GPHN: variants seen among roughly 807,000 people sequenced by gnomAD.
The protein encoded by GPHN is gephyrin.
In GPHN, 17 loss-of-function variants were observed where a neutral mutation model predicts 95.5. The observed-to-expected ratio is 0.18, with a 90% CI of 0.12 to 0.27. The LOEUF (loss-of-function observed/expected upper bound fraction) is 0.27. Ranked by LOEUF, GPHN falls within the 10% of genes least tolerant of loss-of-function variation. The pLI, the probability that GPHN is intolerant of heterozygous loss-of-function variation, is 1.00. For missense variants in GPHN, 660 were observed against 978.1 expected (o/e 0.67, Z 4.34); for synonymous variants, 320 against 322.5 (o/e 0.99, Z 0.08).
intron 13 of GPHN, among the ~76,000 whole-genome samples, chr14:67,109,522 T>A (rs1436809960): frequency 1.3e-5 from 2 of 152,214 alleles, no homozygotes; most frequent in Non-Finnish European, 2.9e-5. Flanking sequence ...TTTTCAAAAG[T>A]AATGTTTAAC....
the GPHN span, among the ~76,000 whole-genome samples, chr14:67,391,263 C>T: frequency 7.3e-6 from 1 of 137,214 alleles, no homozygotes; most frequent in Non-Finnish European, 1.5e-5. Context: ...AATGTGTAAG[C>T]AGCTGATATG....
At chr14:66,588,741 C>A (rs2061522001) in intron 1 of GPHN, among the ~76,000 whole-genome samples, 1 of 152,030 alleles carries the variant, frequency 6.6e-6, no homozygotes, top group Admixed American at 6.6e-5. Context: ...TGTGAAAAGA[C>A]CAAACCTATG....
chr14:66,885,054 TAAC>T (rs954041656), intron 5 of GPHN, among the ~76,000 whole-genome samples: 1 of 151,890 alleles, frequency 6.6e-6, no homozygotes, highest in Admixed American at 6.6e-5. Flanking sequence ...TTTCAGGAAA[TAAC>T]AACACAAAAC....
intron 3 of GPHN, among the ~76,000 whole-genome samples, chr14:66,786,114 T>C (rs2153466900): frequency 6.6e-6 from 1 of 152,240 alleles, no homozygotes; most frequent in East Asian, 1.9e-4. Flanking sequence ...TGCTTCTTTA[T>C]AAAGCTCAAA....
intron 2 of GPHN, among the ~76,000 whole-genome samples, chr14:66,685,305 A>G (rs2067270872): frequency 1.3e-5 from 2 of 152,196 alleles, no homozygotes; most frequent in Admixed American, 6.5e-5. Flanking sequence ...TTCTAGTTCT[A>G]GATCCCTGAG....
chr14:67,461,417 T>C, the GPHN span, among the ~76,000 whole-genome samples: 1 of 152,020 alleles, frequency 6.6e-6, no homozygotes, highest in East Asian at 1.9e-4. Context: ...TTCCCAGGGG[T>C]ACATGGAGCA....
At chr14:66,868,174 ATTT>A (rs1429461834) in intron 4 of GPHN, among the ~76,000 whole-genome samples, 2 of 152,174 alleles carry the variant, frequency 1.3e-5, no homozygotes, top group Non-Finnish European at 2.9e-5. Context: ...ATTTAAGATT[ATTT>A]AATCAGCAGA....
chr14:66,828,445 A>G (rs1212372315), intron 4 of GPHN, among the ~76,000 whole-genome samples: 4 of 152,116 alleles, frequency 2.6e-5, no homozygotes, highest in African/African-American at 9.6e-5. Flanking sequence ...CTGTTTCTAG[A>G]CACATTTACC....
At chr14:66,611,358 A>G (rs2062775017) in intron 1 of GPHN, among the ~76,000 whole-genome samples, 1 of 152,154 alleles carries the variant, frequency 6.6e-6, no homozygotes, top group Admixed American at 6.6e-5. Flanking sequence ...AATTTATTAG[A>G]TAAGATACCC....
At chr14:67,599,772 G>T in the GPHN span, among the ~76,000 whole-genome samples, 56,513 of 152,052 alleles carry the variant, frequency 0.37, 11,003 homozygotes, top group South Asian at 0.43. Context: ...GATGTATGCT[G>T]AGTGAACCCA....
At chr14:67,513,683 T>C in the GPHN span, among the ~76,000 whole-genome samples, 1 of 152,170 alleles carries the variant, frequency 6.6e-6, no homozygotes, top group East Asian at 1.9e-4. Flanking sequence ...CCTTGTATCA[T>C]TAGGTCATTC....
chr14:67,144,266 T>A (rs1488312054), intron 18 of GPHN, among the ~76,000 whole-genome samples: 1 of 102,368 alleles, frequency 9.8e-6, no homozygotes, highest in African/African-American at 4.5e-5. Flanking sequence ...TATATATATA[T>A]ATATATATAT....
the GPHN span, chr14:67,729,308 G>A: frequency 3.1e-6 from 5 of 1,601,378 alleles, no homozygotes; most frequent in Non-Finnish European, 4.2e-6. Flanking sequence ...AAGACGGCAC[G>A]GGAGGGGGCG....
the GPHN span, among the ~76,000 whole-genome samples, chr14:67,247,183 T>C: frequency 6.6e-6 from 1 of 152,244 alleles, no homozygotes; most frequent in Non-Finnish European, 1.5e-5. Context: ...ATGAACATGC[T>C]ATTTCTTTCC....
At chr14:67,138,264 A>T (rs893754837) in intron 17 of GPHN, among the ~76,000 whole-genome samples, 14 of 152,202 alleles carry the variant, frequency 9.2e-5, no homozygotes, top group Non-Finnish European at 1.6e-4. Flanking sequence ...TGTATTTTTT[A>T]AAAACATTAG....
chr14:66,959,459 G>C (rs1051069330), intron 8 of GPHN, among the ~76,000 whole-genome samples: 1 of 151,982 alleles, frequency 6.6e-6, no homozygotes, highest in African/African-American at 2.4e-5. Flanking sequence ...AGATTTATGA[G>C]CAATGAACTC....
At chr14:67,656,198 A>G in the GPHN span, among the ~76,000 whole-genome samples, 1 of 151,620 alleles carries the variant, frequency 6.6e-6, no homozygotes, top group Non-Finnish European at 1.5e-5. Context: ...GCAAGTGGAG[A>G]TCACGCCACT....
chr14:67,325,201 A>G, the GPHN span, among the ~76,000 whole-genome samples: 3 of 152,014 alleles, frequency 2.0e-5, no homozygotes, highest in South Asian at 2.1e-4. Flanking sequence ...CACCAGGCCC[A>G]GCCTCCTTTC....
chr14:66,804,688 T>C (rs1317446118), intron 3 of GPHN, among the ~76,000 whole-genome samples: 1 of 152,220 alleles, frequency 6.6e-6, no homozygotes. Flanking sequence ...AGCTGGACAT[T>C]ATCCGTTTTA....
Sources: gnomAD v4.1 joint callset for allele counts (sites outside exome capture counted in the v4.1 genomes callset) on GRCh38, gnomAD v4.1.1 for gene constraint, MANE v1.5 for transcripts, NCBI Gene and HGNC (gene_info 2026-07-23, HGNC 2026-07-21) for gene names.